EFCAB14: variants seen among roughly 807,000 people sequenced by gnomAD.
EFCAB14 encodes the protein EF-hand calcium binding domain 14, also known as EF-hand calcium-binding domain-containing protein 14.
EFCAB14 carries 43 observed loss-of-function variants against 56.5 expected under a neutral mutation model. The observed-to-expected ratio is 0.76, with a 90% CI of 0.60 to 0.98. The LOEUF is 0.98. Among genes scored for constraint, EFCAB14 ranks in the 50% least tolerant of loss-of-function variants. The pLI is 0.00. For missense variants in EFCAB14, 538 were observed against 580.3 expected (o/e 0.93, Z 0.75); for synonymous variants, 235 against 212.9 (o/e 1.10, Z -0.90).
chr1:46,689,495 C>T (rs1676955822), intron 6 of EFCAB14, 92 bp downstream of exon 6: 2 of 1,208,280 alleles, frequency 1.7e-6, no homozygotes, highest in African/African-American at 1.5e-5. Flanking sequence ...ACAGGATGCA[C>T]CTGCTGAGAC....
chr1:46,697,121 A>G (rs1677086859), intron 3 of EFCAB14, among the ~76,000 whole-genome samples: 1 of 152,234 alleles, frequency 6.6e-6, no homozygotes, highest in Non-Finnish European at 1.5e-5. Flanking sequence ...CACAAAATAC[A>G]GTCTACAGGA....
At chr1:46,705,617 G>A (rs548109738) in intron 3 of EFCAB14, among the ~76,000 whole-genome samples, 3 of 152,266 alleles carry the variant, frequency 2.0e-5, no homozygotes. Context: ...TAAGCCCTGC[G>A]ATGGGGGTGG....
At chr1:46,695,463 A>C (rs966031124) in intron 4 of EFCAB14, among the ~76,000 whole-genome samples, 9 of 152,178 alleles carry the variant, frequency 5.9e-5, no homozygotes, top group Admixed American at 5.9e-4. Context: ...ATAAAATAGC[A>C]AATTTTGTCT....
chr1:46,702,858 T>C (rs1677180147), intron 3 of EFCAB14, among the ~76,000 whole-genome samples: 1 of 152,238 alleles, frequency 6.6e-6, no homozygotes, highest in Admixed American at 6.5e-5. Flanking sequence ...CTCAAGGTCC[T>C]TCTTGATACG....
rs530476807 is a variant in EFCAB14, at chr1:46,717,954, G to A, written c.134C>T (p.Ser45Phe). ...CACACCGAATTCCTCTTCCTCTTCG[G>A]AGCTGGACTCAGAGTCTGAGTCGGG... ...EPPDSDSESS[S>F]EEEEEFGVVG... Residue 45 changes from serine to phenylalanine, a missense_variant, in exon 1 of 11, where the codon TCC becomes TTC. Ser to Phe is a radical substitution (Grantham distance 155). Transcript: ENST00000371933. 5.1e-5 allele frequency: 82 copies of A among 1,614,130 alleles called. 2 individuals are homozygous for A. In the South Asian group the frequency reaches 8.6e-4, roughly 17 times the overall value.
intron 9 of EFCAB14, chr1:46,684,251 A>C (rs1349931364): frequency 2.0e-6 from 1 of 490,408 alleles, no homozygotes; most frequent in Non-Finnish European, 3.6e-6. Flanking sequence ...TGCAGACAGC[A>C]TGGAGAATTC....
intron 3 of EFCAB14, among the ~76,000 whole-genome samples, chr1:46,705,185 C>G (rs1326590860): frequency 6.6e-6 from 1 of 152,186 alleles, no homozygotes; most frequent in Non-Finnish European, 1.5e-5. Flanking sequence ...GTGCTGAGCT[C>G]CCTTAGGAAA....
intron 3 of EFCAB14, among the ~76,000 whole-genome samples, chr1:46,706,723 CTTA>C (rs1382120749): frequency 2.0e-5 from 3 of 152,148 alleles, no homozygotes; most frequent in Admixed American, 2.0e-4. Flanking sequence ...TCTCTAATTA[CTTA>C]GAGTCCAAAG....
In EFCAB14 at chr1:46,675,885, G is replaced by T. The variant is rs1676686480; in HGVS notation, c.*2576C>A. The T allele has an allele frequency of 1.3e-5, 2 of 152,356 alleles. No individual in the cohort carries two copies. Among genetic ancestry groups the T allele is most frequent in the South Asian group, 4.1e-4 (2 of 4,826 alleles). 9.4% of individuals were successfully genotyped at this position (152,356 alleles called of 1,614,324 possible). ...AAAAGAAAACAAGGACCAAGAAGCAGTGCTTTGAGTAACTTAGGAAAGCAG... is the reference window on the plus strand; with the variant it reads ...AAAAGAAAACAAGGACCAAGAAGCATTGCTTTGAGTAACTTAGGAAAGCAG... On this transcript the variant is annotated 3_prime_UTR_variant, in exon 11 of 11. Transcript: ENST00000371933.
chr1:46,678,361 G>C lies in EFCAB14; in HGVS notation c.*100C>G. 2 of 1,271,710 alleles carry C rather than the reference G, an allele frequency of 1.6e-6. No individual in the cohort carries two copies. The highest frequency in any genetic ancestry group is 2.2e-6 in the Non-Finnish European group (2 of 906,658). The allele number at this position is 1,271,710 out of a possible 1,614,324, so 78.8% of individuals were successfully genotyped here. A position where few individuals can be genotyped will look rare whatever the true frequency, so the allele number is the denominator to read the frequency against. Reference sequence around the variant, plus strand: ...AAAAGGTGGCAAAGTATCTGCTACAGTAGTTTGGAGGACTAGAGGACTGAT... The same window carrying C: ...AAAAGGTGGCAAAGTATCTGCTACACTAGTTTGGAGGACTAGAGGACTGAT... On this transcript the variant is annotated 3_prime_UTR_variant, in exon 11 of 11. Coordinates refer to ENST00000371933, the MANE Select transcript of EFCAB14 (RefSeq NM_014774.3).
intron 9 of EFCAB14, 51 bp downstream of exon 9, chr1:46,684,440 G>T: frequency 6.7e-7 from 1 of 1,486,798 alleles, no homozygotes. Context: ...CATGTGAGAG[G>T]CAAGCTGCTC....
At chr1:46,698,341 T>G (rs550281842) in intron 3 of EFCAB14, among the ~76,000 whole-genome samples, 1 of 152,258 alleles carries the variant, frequency 6.6e-6, no homozygotes, top group South Asian at 2.1e-4. Flanking sequence ...CAAATACTAC[T>G]GGACCCTATT....
Position 46,678,244 on chromosome 1 carries a change from G to T in EFCAB14, c.*217C>A. On this transcript the variant is annotated 3_prime_UTR_variant, in exon 11 of 11. Coordinates refer to ENST00000371933, the MANE Select transcript of EFCAB14 (RefSeq NM_014774.3). Reference sequence around the variant, plus strand: ...CAATTTTAAAATGTAAGATCTTACTGGTTGTAGGAAATCATAGATTTCTGA... The same window carrying T: ...CAATTTTAAAATGTAAGATCTTACTTGTTGTAGGAAATCATAGATTTCTGA... The T allele has an allele frequency of 2.4e-6, 1 of 423,406 alleles. No individual in the cohort carries two copies. Among genetic ancestry groups the T allele is most frequent in the Non-Finnish European group, 4.1e-6 (1 of 243,172 alleles). 26.2% of individuals were successfully genotyped at this position (423,406 alleles called of 1,614,324 possible).
chr1:46,688,406 C>G lies in EFCAB14; in HGVS notation c.934G>C (p.Asp312His), dbSNP rs755140698. The change falls in exon 7 of 11, where the codon GAT (aspartate) becomes CAT (histidine). Residue 312 changes from aspartate (D) to histidine (H), a missense_variant. Coordinates refer to ENST00000371933, the MANE Select transcript of EFCAB14 (RefSeq NM_014774.3). Reference sequence around the variant, plus strand: ...TCTACCTTGCTCATAGCAACCACATCGCTTTCTATCAGGTTGACTCTCTGG... The same window carrying G: ...TCTACCTTGCTCATAGCAACCACATGGCTTTCTATCAGGTTGACTCTCTGG... ...LTQRVNLIES[D>H]VVAMSKVEKK... The G allele has an allele frequency of 6.2e-7, 1 of 1,613,996 alleles. No homozygotes were observed. Among genetic ancestry groups the G allele is most frequent in the Admixed American group, 1.7e-5 (1 of 60,012 alleles).
chr1:46,689,269 T>C (rs1235264152), intron 6 of EFCAB14, among the ~76,000 whole-genome samples: 2 of 152,224 alleles, frequency 1.3e-5, no homozygotes, highest in Admixed American at 6.5e-5. Flanking sequence ...AGCTATCCAT[T>C]CATCTTTAAC....
chr1:46,687,022 G>C (rs1676893985), intron 7 of EFCAB14, 152 bp from the exon 8 acceptor site: 2 of 671,684 alleles, frequency 3.0e-6, no homozygotes, highest in Non-Finnish European at 5.1e-6. Flanking sequence ...TGGGAGATGG[G>C]AGGAGAGAGG....
At chr1:46,697,464 G>A (rs918524596) in intron 3 of EFCAB14, among the ~76,000 whole-genome samples, 9 of 152,154 alleles carry the variant, frequency 5.9e-5, no homozygotes, top group Non-Finnish European at 4.4e-5. Context: ...AGTTTGGCTC[G>A]AAACACTTGA....
Position 46,699,946 on chromosome 1 carries a change from C to CTGT in EFCAB14, c.481-3298_481-3297insACA, listed in dbSNP as rs1425665410. ...GGAGCTGCCATGCTGTGAGGACACT[C>CTGT]GAGTAGCCCCAGAATGACAAGTCCA... On this transcript the variant is annotated intron_variant, in intron 3 of 10. Transcript: ENST00000371933. Among the ~76,000 whole-genome samples the CTGT allele has an allele frequency of 3.3e-5, 5 of 152,274 alleles. No individual in the cohort carries two copies. In the South Asian group the frequency reaches 1.0e-3, roughly 32 times the overall value.
chr1:46,716,362 A>C lies in EFCAB14; in HGVS notation c.267T>G (p.Val89=), dbSNP rs1181081436. ...GAGCAACCTGCATCCACACCAAGCCAACACAGGCCACAACACAGGCAGCAA... is the reference window on the plus strand; with the variant it reads ...GAGCAACCTGCATCCACACCAAGCCCACACAGGCCACAACACAGGCAGCAA... ...VILAACVVAC[V]GLVWMQVALK... is the part of the protein sequence containing the mutation. Residue 89 remains valine, a synonymous_variant, in exon 2 of 11, where the codon GTT becomes GTG. Coordinates refer to ENST00000371933, the MANE Select transcript of EFCAB14 (RefSeq NM_014774.3). 6.2e-7 allele frequency: 1 copy of C among 1,614,004 alleles called. No individual in the cohort carries two copies. Among genetic ancestry groups the C allele is most frequent in the Non-Finnish European group, 8.5e-7 (1 of 1,179,994 alleles).
Sources: allele counts gnomAD v4.1 joint callset (sites outside exome capture counted in the v4.1 genomes callset), GRCh38; gene constraint gnomAD v4.1.1; transcripts MANE v1.5; gene names NCBI Gene and HGNC (gene_info 2026-07-23, HGNC 2026-07-21).